The following PFKFB3 variants were observed in gnomAD, a reference collection of about 807,000 sequenced individuals.
PFKFB3 encodes the protein 6-phosphofructo-2-kinase/fructose-2,6-biphosphatase 3.
A neutral mutation model predicts 68.0 loss-of-function variants in PFKFB3; 33 were observed. The ratio of observed to expected loss-of-function variants is 0.49; its 90% CI spans 0.37 to 0.65. The LOEUF is 0.65. Ranked by LOEUF, PFKFB3 falls within the 30% of genes least tolerant of loss-of-function variation. The pLI is 0.00. For missense variants in PFKFB3, 586 were observed against 712.2 expected (o/e 0.82, Z 2.02); for synonymous variants, 315 against 288.2 (o/e 1.09, Z -0.94).
At position 6,210,578 on chromosome 10, in the gene PFKFB3, T is replaced by TCGATCTCC. The variant is rs1416799719; in HGVS notation, c.77-3045_77-3044insCGATCTCC. ...TTTCGCCATGTTAGCCAGGATAGTC[T>TCGATCTCC]TGATAGTGTTTTTAATAGACGGGGT... On this transcript the variant is annotated intron_variant, in intron 1 of 14. Coordinates refer to ENST00000379775, the MANE Select transcript of PFKFB3 (RefSeq NM_004566.4). Among the ~76,000 whole-genome samples the TCGATCTCC allele has an allele frequency of 4.2e-4, 23 of 55,096 alleles. 1 individual carries two copies. The highest frequency in any genetic ancestry group is 4.0e-4 in the African/African-American group (9 of 22,258). The allele number at this position is 55,096 out of a possible 152,430, so 36.1% of individuals were successfully genotyped here.
At chr10:6,242,619 G>T (rs1846165454) in intron 14 of PFKFB3, among the ~76,000 whole-genome samples, 1 of 151,152 alleles carries the variant, frequency 6.6e-6, no homozygotes, top group African/African-American at 2.4e-5. Context: ...ACGGAGTCTC[G>T]CTCTGTTGCC....
chr10:6,178,424 A>T (rs1055033081), intron 1 of PFKFB3, among the ~76,000 whole-genome samples: 1 of 152,168 alleles, frequency 6.6e-6, no homozygotes, highest in Admixed American at 6.5e-5. Context: ...TGCGGCTGAT[A>T]TGGGCTTAGG....
At chr10:6,145,036 C>T in intron 1 of PFKFB3, 1 of 1,326,378 alleles carries the variant, frequency 7.5e-7, no homozygotes. Flanking sequence ...GTGACGCGGC[C>T]CACGCCCCCA....
intron 14 of PFKFB3, among the ~76,000 whole-genome samples, chr10:6,227,079 C>T (rs555538545): frequency 1.3e-5 from 2 of 151,784 alleles, no homozygotes; most frequent in Non-Finnish European, 2.9e-5. Flanking sequence ...GAGGGAGACT[C>T]CGTCTCAAAA....
At chr10:6,243,581 G>A (rs1039502014) in intron 14 of PFKFB3, among the ~76,000 whole-genome samples, 3 of 152,156 alleles carry the variant, frequency 2.0e-5, no homozygotes, top group Non-Finnish European at 4.4e-5. Context: ...AGGCTGAGAC[G>A]TTTTCCTTCT....
rs535920161 is a variant in PFKFB3, at chr10:6,156,702, G to A, written c.16+11689G>A. On this transcript the variant is annotated intron_variant, in intron 1 of 14. Transcript: ENST00000379789. ...GGGGTTTCGCCATGTTGGCCAGGCT[G>A]GTCTCGAATCCCTGACCTCGTGATC... Among the ~76,000 whole-genome samples the A allele has an allele frequency of 2.7e-5, 4 of 147,882 alleles. No homozygotes were observed. In the South Asian group the frequency reaches 6.5e-4, roughly 24 times the overall value.
At chr10:6,213,841 C>A in intron 2 of PFKFB3, 93 bp downstream of exon 2, 3 of 1,397,842 alleles carry the variant, frequency 2.1e-6, no homozygotes, top group South Asian at 1.3e-5. Flanking sequence ...CACCCCTGGG[C>A]GCCTCTGTCC....
intron 1 of PFKFB3, among the ~76,000 whole-genome samples, chr10:6,183,614 A>ATATATATAT (rs1554843857): frequency 8.5e-5 from 8 of 93,940 alleles, no homozygotes; most frequent in Admixed American, 3.3e-4. Flanking sequence ...AAAAAAAAAA[A>ATATATATAT]ATATATATAT....
At chr10:6,178,064 A>G (rs1361976240) in intron 1 of PFKFB3, among the ~76,000 whole-genome samples, 3 of 152,298 alleles carry the variant, frequency 2.0e-5, no homozygotes, top group South Asian at 2.1e-4. Context: ...GGAGGGAGCC[A>G]AGGCGTCCAA....
chr10:6,236,305 T>G (rs976689494), downstream of PFKFB3, among the ~76,000 whole-genome samples: 1 of 152,236 alleles, frequency 6.6e-6, no homozygotes, highest in African/African-American at 2.4e-5. Context: ...AGCCTCAGCG[T>G]CTGCATCTCT....
the PFKFB3 span, among the ~76,000 whole-genome samples, chr10:6,309,563 A>C: frequency 6.6e-6 from 1 of 152,212 alleles, no homozygotes; most frequent in South Asian, 2.1e-4. Context: ...TGGAGGTTGC[A>C]GTGAGCTGAG....
chr10:6,289,963 G>A, the PFKFB3 span, among the ~76,000 whole-genome samples: 1 of 152,118 alleles, frequency 6.6e-6, no homozygotes, highest in Non-Finnish European at 1.5e-5. Context: ...TCTCTTTGAA[G>A]CAATCGTGAA....
chr10:6,312,278 C>A, the PFKFB3 span, among the ~76,000 whole-genome samples: 15 of 151,440 alleles, frequency 9.9e-5, no homozygotes, highest in Non-Finnish European at 1.8e-4. Flanking sequence ...TTTCTATCTA[C>A]CAGGATAATT....
the PFKFB3 span, among the ~76,000 whole-genome samples, chr10:6,318,360 G>A: frequency 3.3e-5 from 5 of 152,240 alleles, no homozygotes; most frequent in Admixed American, 2.6e-4. Context: ...TCTGTTGGTA[G>A]AAGCCCCATG....
chr10:6,216,651 C>T (rs1844607557), intron 4 of PFKFB3, 55 bp from the exon 5 acceptor site: 7 of 1,204,310 alleles, frequency 5.8e-6, no homozygotes, highest in East Asian at 2.3e-5. Context: ...TTCTGGTAAA[C>T]GTTGTTAAAC....
chr10:6,177,354 C>CTCTTT, intron 1 of PFKFB3, among the ~76,000 whole-genome samples: 1 of 78,032 alleles, frequency 1.3e-5, no homozygotes, highest in African/African-American at 4.3e-5. Context: ...CTTTTCTTTT[C>CTCTTT]TCTTTCTTTC....
intron 14 of PFKFB3, among the ~76,000 whole-genome samples, chr10:6,244,220 G>A (rs1846204403): frequency 6.6e-6 from 1 of 152,120 alleles, no homozygotes; most frequent in African/African-American, 2.4e-5. Context: ...CAGCTGTTTG[G>A]ATGTCAAATG....
chr10:6,214,492 C>A (rs1410761643), intron 2 of PFKFB3, among the ~76,000 whole-genome samples: 5 of 151,760 alleles, frequency 3.3e-5, no homozygotes, highest in Non-Finnish European at 7.4e-5. Flanking sequence ...AGATGGGGAA[C>A]ATCTTGTGGA....
chr10:6,241,087 A>G (rs980961315), intron 14 of PFKFB3, among the ~76,000 whole-genome samples: 1 of 151,976 alleles, frequency 6.6e-6, no homozygotes, highest in African/African-American at 2.4e-5. Flanking sequence ...TTGTATTTTT[A>G]GTAGAGACGG....
Sources: allele counts gnomAD v4.1 joint callset (sites outside exome capture counted in the v4.1 genomes callset), GRCh38; gene constraint gnomAD v4.1.1; transcripts MANE v1.5; gene names NCBI Gene and HGNC (gene_info 2026-07-23, HGNC 2026-07-21).